Variants in CALN1 observed in about 807,000 individuals in gnomAD.
CALN1 encodes the protein calcium-binding protein 8.
CALN1 carries 17 observed loss-of-function variants against 30.6 expected under a neutral mutation model. The observed-to-expected ratio is 0.56, with a 90% CI of 0.38 to 0.83. The LOEUF (loss-of-function observed/expected upper bound fraction) is 0.83. Among genes scored for constraint, CALN1 ranks in the 40% least tolerant of loss-of-function variants. CALN1 has a pLI of 0.00. For synonymous variants in CALN1, 156 were observed against 131.4 expected, an observed-to-expected ratio of 1.19 and a Z score of -1.28; for missense variants, 291 against 354.9, an observed-to-expected ratio of 0.82 and a Z score of 1.45.
intron 5 of CALN1, among the ~76,000 whole-genome samples, chr7:71,972,779 G>A (rs1797913559): frequency 6.6e-6 from 1 of 152,184 alleles, no homozygotes; most frequent in South Asian, 2.1e-4. Context: ...CCCCTCATTT[G>A]ATTCCTGTAT....
intron 4 of CALN1, among the ~76,000 whole-genome samples, chr7:72,049,122 T>C (rs1393876446): frequency 6.6e-6 from 1 of 152,072 alleles, no homozygotes; most frequent in Admixed American, 6.6e-5. Flanking sequence ...AAATATGATA[T>C]CATATTACCT....
chr7:71,791,525 G>A (rs765391136), intron 6 of CALN1, among the ~76,000 whole-genome samples: 6 of 152,144 alleles, frequency 3.9e-5, no homozygotes, highest in Non-Finnish European at 7.3e-5. Flanking sequence ...GCAAAGAAGG[G>A]AACCACAGAC....
At chr7:72,178,644 G>A (rs768960365) in intron 3 of CALN1, among the ~76,000 whole-genome samples, 2 of 150,902 alleles carry the variant, frequency 1.3e-5, no homozygotes, top group Non-Finnish European at 2.9e-5. Flanking sequence ...AGCCGAGATC[G>A]CACTAATGCA....
At chr7:72,382,029 GTAATAGT>G (rs1562935493) in intron 2 of CALN1, among the ~76,000 whole-genome samples, 1 of 152,138 alleles carries the variant, frequency 6.6e-6, no homozygotes, top group Non-Finnish European at 1.5e-5. Flanking sequence ...AGACTCACAG[GTAATAGT>G]TAACATTTTT....
At chr7:71,991,052 G>GT (rs1798924378) in intron 5 of CALN1, among the ~76,000 whole-genome samples, 2 of 151,160 alleles carry the variant, frequency 1.3e-5, no homozygotes, top group African/African-American at 4.9e-5. Flanking sequence ...ACAGTGAGGG[G>GT]GGGGGTCGAC....
intron 3 of CALN1, among the ~76,000 whole-genome samples, chr7:72,258,965 C>CA (rs1299918257): frequency 6.6e-6 from 1 of 151,176 alleles, no homozygotes; most frequent in Non-Finnish European, 1.5e-5. Flanking sequence ...CCTATAATTC[C>CA]AGTTACTAGG....
At chr7:71,848,753 AG>A (rs1336134503) in intron 5 of CALN1, among the ~76,000 whole-genome samples, 1 of 152,118 alleles carries the variant, frequency 6.6e-6, no homozygotes, top group Non-Finnish European at 1.5e-5. Context: ...AAAACATAAT[AG>A]AAAAAAATTA....
Position 72,298,937 on chromosome 7 carries a change from G to A in CALN1, c.120-20127C>T, listed in dbSNP as rs146948909. On this transcript the variant is annotated intron_variant, in intron 2 of 6. Coordinates refer to ENST00000395275, the MANE Select transcript of CALN1 (RefSeq NM_031468.4). ...GTGATTGTGAGGCCTCCCCAGCCAT[G>A]TAGAACTGTAAGCCCAATTAAACCT... is the stretch of plus-strand genomic sequence containing the variant. 8.1e-4 allele frequency among the ~76,000 whole-genome samples: 124 copies of A among 152,240 alleles called. No individual in the cohort carries two copies. In the East Asian group the frequency reaches 0.019, roughly 24 times the overall value.
chr7:72,102,302 G>A (rs1398053406), intron 4 of CALN1, among the ~76,000 whole-genome samples: 2 of 151,988 alleles, frequency 1.3e-5, no homozygotes, highest in African/African-American at 2.4e-5. Context: ...AAAATTAGCC[G>A]GGCGTGGTGG....
In CALN1 at chr7:72,354,485, T is replaced by C. The variant is rs567812969; in HGVS notation, c.119+48766A>G. On this transcript the variant is annotated intron_variant, in intron 2 of 6. Transcript: ENST00000395275. ...ATATATGTATGCAAAGGACATAGAA[T>C]AGCCAAAACCATTTTTTCAGAGAAG... 6.6e-5 allele frequency among the ~76,000 whole-genome samples: 10 copies of C among 152,310 alleles called. No individual in the cohort carries two copies. In the South Asian group the frequency reaches 8.3e-4, roughly 13 times the overall value.
At chr7:72,031,315 G>T (rs905383490) in intron 4 of CALN1, among the ~76,000 whole-genome samples, 6 of 152,116 alleles carry the variant, frequency 3.9e-5, no homozygotes, top group African/African-American at 1.4e-4. Flanking sequence ...GCCACCAGAG[G>T]CCATTCTTCA....
chr7:72,370,792 A>C (rs1804191256), intron 2 of CALN1, among the ~76,000 whole-genome samples: 1 of 152,032 alleles, frequency 6.6e-6, no homozygotes, highest in Non-Finnish European at 1.5e-5. Context: ...CATGCCTATA[A>C]TCCCAGCACT....
At chr7:72,317,070 G>GAGAGAGAGAA (rs1279137673) in intron 2 of CALN1, among the ~76,000 whole-genome samples, 1 of 128,118 alleles carries the variant, frequency 7.8e-6, no homozygotes, top group African/African-American at 3.4e-5. Flanking sequence ...GAGAGAAAGA[G>GAGAGAGAGAA]AGACACAGAA....
chr7:72,206,392 CTCT>C (rs1402964727), intron 3 of CALN1, among the ~76,000 whole-genome samples: 1 of 152,146 alleles, frequency 6.6e-6, no homozygotes, highest in Non-Finnish European at 1.5e-5. Context: ...TCTCAAACTC[CTCT>C]TCTTTTGACT....
chr7:71,942,243 C>G, intron 5 of CALN1: 1 of 191,916 alleles, frequency 5.2e-6, no homozygotes. Flanking sequence ...CTCTGCCAGA[C>G]CGCCACGCCG....
chr7:72,386,833 AC>A (rs1396885704), intron 2 of CALN1, among the ~76,000 whole-genome samples: 24 of 152,154 alleles, frequency 1.6e-4, no homozygotes, highest in African/African-American at 5.5e-4. Context: ...GGGTCTTGTC[AC>A]CTTGCCCTGG....
At chr7:72,053,866 C>A (rs113546196) in intron 4 of CALN1, among the ~76,000 whole-genome samples, 1 of 147,980 alleles carries the variant, frequency 6.8e-6, no homozygotes, top group African/African-American at 2.5e-5. Flanking sequence ...TTAGCTCTTA[C>A]GTATCGGTGA....
At chr7:72,127,872 T>G (rs1808875559) in intron 3 of CALN1, among the ~76,000 whole-genome samples, 1 of 152,116 alleles carries the variant, frequency 6.6e-6, no homozygotes, top group Admixed American at 6.5e-5. Context: ...CTAGAGAAAT[T>G]TAATTATGAG....
At chr7:72,340,707 T>C (rs772998176) in intron 2 of CALN1, among the ~76,000 whole-genome samples, 1 of 152,150 alleles carries the variant, frequency 6.6e-6, no homozygotes, top group Non-Finnish European at 1.5e-5. Context: ...TTTGGCTGTG[T>C]CCCCTCCCAA....
Sources: allele counts gnomAD v4.1 joint callset (sites outside exome capture counted in the v4.1 genomes callset), GRCh38; gene constraint gnomAD v4.1.1; transcripts MANE v1.5; gene names NCBI Gene and HGNC (gene_info 2026-07-23, HGNC 2026-07-21).